Variants in ATP8B4 observed in about 807,000 individuals in gnomAD.
ATP8B4 encodes probable phospholipid-transporting ATPase IM.
ATP8B4 carries 133 observed loss-of-function variants against 145.6 expected under a neutral mutation model. That is an observed-to-expected ratio of 0.91 (90% CI 0.79 to 1.05). The LOEUF (loss-of-function observed/expected upper bound fraction) is 1.05, where lower values mean the gene tolerates loss of function less well. Ranked by LOEUF, ATP8B4 falls within the 50% of genes least tolerant of loss-of-function variation. The pLI is 0.00. For missense variants in ATP8B4, 1,458 were observed against 1,425.2 expected, an observed-to-expected ratio of 1.02 and a Z score of -0.37; for synonymous variants, 507 against 492.9, an observed-to-expected ratio of 1.03 and a Z score of -0.38.
intron 16 of ATP8B4, among the ~76,000 whole-genome samples, 187 bp downstream of exon 16, chr15:49,930,932 G>A (rs1164188005): frequency 6.6e-6 from 1 of 151,902 alleles, no homozygotes; most frequent in East Asian, 1.9e-4. Context: ...CACATAATGA[G>A]CACTTGATAA....
chr15:50,006,953 G>C (rs925723278), intron 7 of ATP8B4, among the ~76,000 whole-genome samples: 3 of 152,016 alleles, frequency 2.0e-5, no homozygotes, highest in Non-Finnish European at 2.9e-5. Flanking sequence ...AATTTATTTG[G>C]TTCTTCTAAT....
At chr15:49,886,415 TG>T (rs909420171) in intron 23 of ATP8B4, among the ~76,000 whole-genome samples, 24 of 152,004 alleles carry the variant, frequency 1.6e-4, no homozygotes, top group Non-Finnish European at 2.2e-4. Context: ...GGAGGGAGGA[TG>T]GGGGGAGCAT....
At position 50,113,838 on chromosome 15, in the gene ATP8B4, C is replaced by CAAAAAAAAAAA. The variant is rs67648465; in HGVS notation, c.-43+5274_-43+5284dup. ...CGGGCAACAACACGAAACTCCATCT[C>CAAAAAAAAAAA]AAAAAAAAAAAAAAAAAAAAAAAAA... On this transcript the variant is annotated intron_variant, in intron 1 of 27. Coordinates refer to ENST00000284509, the MANE Select transcript of ATP8B4 (RefSeq NM_024837.4). Among the ~76,000 whole-genome samples, 5 of 67,256 alleles carry CAAAAAAAAAAA rather than the reference C, an allele frequency of 7.4e-5. 1 individual carries two copies. Among genetic ancestry groups the CAAAAAAAAAAA allele is most frequent in the Admixed American group, 4.2e-4 (2 of 4,790 alleles). 44.1% of individuals were successfully genotyped at this position (67,256 alleles called of 152,430 possible).
intron 3 of ATP8B4, among the ~76,000 whole-genome samples, chr15:50,061,782 A>G (rs572066644): frequency 6.6e-6 from 1 of 152,186 alleles, no homozygotes; most frequent in Non-Finnish European, 1.5e-5. Context: ...AAGCCAAGTC[A>G]GGTCATTTTT....
Position 50,044,551 on chromosome 15 carries a change from A to G in ATP8B4, c.300+43T>C, listed in dbSNP as rs187218189. On this transcript the variant is annotated intron_variant, in intron 5 of 27. Transcript: ENST00000284509. ...CATTATCTATTTCTGAGAAGCCACA[A>G]CTGAAATTGAGACCTCAAGAATGCT... 1.2e-5 allele frequency: 16 copies of G among 1,358,284 alleles called. No homozygotes were observed. In the African/African-American group the frequency reaches 1.8e-4, roughly 15 times the overall value. 84.1% of individuals were successfully genotyped at this position (1,358,284 alleles called of 1,614,324 possible). A position where few individuals can be genotyped will look rare whatever the true frequency, so the allele number is the denominator to read the frequency against.
chr15:49,876,447 C>T lies in ATP8B4; in HGVS notation c.2858G>A (p.Arg953His), dbSNP rs139968118. 1.2e-4 allele frequency: 196 copies of T among 1,614,134 alleles called. 2 individuals are homozygous for T. The African/African-American group carries it at 1.5e-3, about 13-fold the overall frequency. The change falls in exon 25 of 28, where the codon CGT becomes CAT. Residue 953 changes from arginine (R) to histidine (H), a missense_variant. Physicochemically the swap from Arg to His is conservative, Grantham distance 29 (BLOSUM62 0). Coordinates refer to ENST00000284509, the MANE Select transcript of ATP8B4 (RefSeq NM_024837.4). ...PGQLNLLFNKRKFFICVLHGI... is the reference protein window; with the variant it reads ...PGQLNLLFNKHKFFICVLHGI... ...ATGCAACACGCAAATGAAAAATTTACGCTTGTTAAAAAGCAGATTCAGCTG... is the reference window on the plus strand; with the variant it reads ...ATGCAACACGCAAATGAAAAATTTATGCTTGTTAAAAAGCAGATTCAGCTG...
At chr15:49,952,513 C>T (rs527381572) in intron 14 of ATP8B4, among the ~76,000 whole-genome samples, 5 of 152,198 alleles carry the variant, frequency 3.3e-5, no homozygotes, top group African/African-American at 1.2e-4. Flanking sequence ...GTATATTTCA[C>T]GAACTTCTCA....
intron 7 of ATP8B4, among the ~76,000 whole-genome samples, chr15:50,007,960 C>T (rs2048436473): frequency 6.6e-6 from 1 of 152,176 alleles, no homozygotes; most frequent in Non-Finnish European, 1.5e-5. Flanking sequence ...GCCAACAGAA[C>T]TACATTTGTA....
chr15:49,962,130 C>T, intron 13 of ATP8B4, 110 bp from the exon 14 acceptor site: 1 of 785,482 alleles, frequency 1.3e-6, no homozygotes, highest in East Asian at 2.9e-5. Context: ...TACTAAATGG[C>T]ATTATGAATT....
chr15:50,022,273 C>G (rs71469672), intron 6 of ATP8B4, among the ~76,000 whole-genome samples: 268 of 152,230 alleles, frequency 1.8e-3, no homozygotes, highest in Non-Finnish European at 3.3e-3. Context: ...TTCTCAGAAG[C>G]CTCCTTTGTT....
At chr15:49,900,742 C>T (rs142145529) in intron 21 of ATP8B4, among the ~76,000 whole-genome samples, 1 of 152,228 alleles carries the variant, frequency 6.6e-6, no homozygotes, top group African/African-American at 2.4e-5. Context: ...ATAATACATC[C>T]ACCCAGTTGC....
intron 20 of ATP8B4, chr15:49,901,970 A>C: frequency 4.0e-6 from 1 of 249,930 alleles, no homozygotes; most frequent in South Asian, 4.1e-5. Flanking sequence ...AATCCTGCTC[A>C]CATCCCATGC....
At position 50,085,911 on chromosome 15, in the gene ATP8B4, T is replaced by G. The variant is rs12904511; in HGVS notation, c.29-11726A>C. On this transcript the variant is annotated intron_variant, in intron 2 of 27. Transcript: ENST00000284509. ...TATATATGATATATATCATATATAT[T>G]TATATATGATATATATCATATATAT... 2.7e-3 allele frequency among the ~76,000 whole-genome samples: 245 copies of G among 91,968 alleles called. 2 individuals are homozygous for G. Among genetic ancestry groups the G allele is most frequent in the African/African-American group, 0.013 (232 of 18,364 alleles). 60.3% of individuals were successfully genotyped at this position (91,968 alleles called of 152,430 possible).
At chr15:49,863,535 C>T (rs1432260079) in intron 26 of ATP8B4, among the ~76,000 whole-genome samples, 1 of 152,130 alleles carries the variant, frequency 6.6e-6, no homozygotes, top group East Asian at 1.9e-4. Context: ...TTATCCAGGT[C>T]CCCTATCCCA....
intron 1 of ATP8B4, among the ~76,000 whole-genome samples, chr15:50,135,723 A>G (rs1482839700): frequency 6.6e-6 from 1 of 152,252 alleles, no homozygotes; most frequent in Non-Finnish European, 1.5e-5. Flanking sequence ...AACCTGACAT[A>G]CATAAAACTG....
intron 1 of ATP8B4, among the ~76,000 whole-genome samples, chr15:50,154,393 A>G (rs1322298822): frequency 1.3e-5 from 2 of 152,124 alleles, no homozygotes; most frequent in Non-Finnish European, 2.9e-5. Flanking sequence ...AGACAAAATT[A>G]TTCTTTTTCC....
chr15:50,115,611 T>C (rs895843107), intron 1 of ATP8B4, among the ~76,000 whole-genome samples: 11 of 151,938 alleles, frequency 7.2e-5, no homozygotes, highest in African/African-American at 2.7e-4. Flanking sequence ...GCAGTGATAG[T>C]CATGGCAAGC....
chr15:49,901,131 T>G lies in ATP8B4; in HGVS notation c.2250A>C (p.Ile750=), dbSNP rs1204808705. 1 of 1,613,510 alleles carries G rather than the reference T, an allele frequency of 6.2e-7. No homozygotes were observed. The highest frequency in any genetic ancestry group is 1.3e-5 in the African/African-American group (1 of 74,904). ...LELDSIVEET[I]TGDYALIING... is the part of the protein sequence containing the mutation. Reference sequence around the variant, plus strand: ...TTATGATTAAGGCATAATCTCCTGTTATGGTTTCTTCTACAATAGAATCCA... The same window carrying G: ...TTATGATTAAGGCATAATCTCCTGTGATGGTTTCTTCTACAATAGAATCCA... The change falls in exon 21 of 28, where the codon ATA becomes ATC. Residue 750 remains isoleucine, a synonymous_variant. Coordinates refer to ENST00000284509, the MANE Select transcript of ATP8B4 (RefSeq NM_024837.4).
chr15:49,959,592 T>C (rs1347461338), intron 14 of ATP8B4, among the ~76,000 whole-genome samples: 2 of 152,106 alleles, frequency 1.3e-5, no homozygotes, highest in African/African-American at 4.8e-5. Context: ...TAGAAGTTAC[T>C]ATAAACAAAA....
Sources: allele counts gnomAD v4.1 joint callset (sites outside exome capture counted in the v4.1 genomes callset), GRCh38; gene constraint gnomAD v4.1.1; transcripts MANE v1.5; gene names NCBI Gene and HGNC (gene_info 2026-07-23, HGNC 2026-07-21).